Variants in LIPG observed in about 807,000 individuals in gnomAD.
The protein encoded by LIPG is lipase G, endothelial type, also known as endothelial lipase.
A neutral mutation model predicts 51.8 loss-of-function variants in LIPG; 34 were observed. The observed-to-expected ratio is 0.66, with a 90% confidence interval of 0.50 to 0.87. The LOEUF (loss-of-function observed/expected upper bound fraction) is 0.87, where lower values mean the gene tolerates loss of function less well. Ranked by LOEUF, LIPG falls within the 40% of genes least tolerant of loss-of-function variation. LIPG has a pLI of 0.00. For synonymous variants in LIPG, 246 were observed against 246.1 expected (o/e 1.00, Z 0.00); for missense variants, 580 against 652.7 (o/e 0.89, Z 1.21).
At chr18:49,561,792 CGGA>C (rs2084552015), upstream of LIPG, 14 of 1,254,724 alleles carry the variant, frequency 1.1e-5, no homozygotes, top group Non-Finnish European at 1.4e-5. Context: ...TCTGGGTGTC[CGGA>C]GGAGGGCAGT....
chr18:49,569,027 G>A (rs1229768382), intron 3 of LIPG, among the ~76,000 whole-genome samples: 1 of 152,162 alleles, frequency 6.6e-6, no homozygotes, highest in Non-Finnish European at 1.5e-5. Flanking sequence ...TGGAGGTCAG[G>A]CCTTAGAGGG....
chr18:49,565,292 C>A (rs549779651), intron 1 of LIPG, 25 bp from the exon 2 acceptor site: 20 of 1,612,400 alleles, frequency 1.2e-5, no homozygotes, highest in South Asian at 1.2e-4. Context: ...GCTAGATGCA[C>A]CCACGCTCTG....
At chr18:49,584,081 G>A (rs940622356) in intron 8 of LIPG, among the ~76,000 whole-genome samples, 2 of 152,136 alleles carry the variant, frequency 1.3e-5, no homozygotes, top group African/African-American at 4.8e-5. Flanking sequence ...TCCTGGACTG[G>A]GCTTTTTAGG....
intron 4 of LIPG, among the ~76,000 whole-genome samples, chr18:49,574,531 T>C (rs2084695186): frequency 6.6e-6 from 1 of 152,168 alleles, no homozygotes; most frequent in Admixed American, 6.6e-5. Context: ...CTCTTACTGC[T>C]CTGCTACCTG....
intron 4 of LIPG, among the ~76,000 whole-genome samples, chr18:49,573,215 C>A (rs1359250528): frequency 2.0e-5 from 3 of 152,236 alleles, no homozygotes; most frequent in African/African-American, 7.2e-5. Flanking sequence ...CAGAATGTTG[C>A]TCTCTTTCTC....
At chr18:49,575,722 T>C in intron 5 of LIPG, 132 bp downstream of exon 5, 1 of 770,476 alleles carries the variant, frequency 1.3e-6, no homozygotes, top group Non-Finnish European at 2.2e-6. Context: ...CCTCCAATGC[T>C]GTATTTAATA....
chr18:49,577,726 C>T lies in LIPG; in HGVS notation c.793+2136C>T, dbSNP rs1438552277. On this transcript the variant is annotated intron_variant, in intron 5 of 9. Transcript: ENST00000261292. ...CCCCCAACCTCCCTCCCGGATGGCA[C>T]GGCTGGCCGGGCGGGGGGGCTGACC... Among the ~76,000 whole-genome samples the T allele has an allele frequency of 3.1e-4, 25 of 79,498 alleles. 2 individuals carry two copies. In the South Asian group the frequency reaches 9.7e-3, roughly 31 times the overall value. 52.2% of individuals were successfully genotyped at this position (79,498 alleles called of 152,430 possible).
chr18:49,569,367 T>C, intron 3 of LIPG, 70 bp from the exon 4 acceptor site: 1 of 1,299,058 alleles, frequency 7.7e-7, no homozygotes, highest in South Asian at 1.2e-5. Context: ...ACTGAGTTGT[T>C]GAACTGCTGG....
At chr18:49,561,735 G>A (rs750306382), upstream of LIPG, 4 of 1,245,052 alleles carry the variant, frequency 3.2e-6, no homozygotes, top group Non-Finnish European at 4.0e-6. Flanking sequence ...AGAGTTTCAG[G>A]GAAATGTCCG....
rs1047734477 is a variant in LIPG, at chr18:49,592,453, C to A, written c.*1931C>A. 2.6e-5 allele frequency: 4 copies of A among 152,198 alleles called. No individual in the cohort carries two copies. Among genetic ancestry groups the A allele is most frequent in the African/African-American group, 9.7e-5 (4 of 41,432 alleles). 9.4% of individuals were successfully genotyped at this position (152,198 alleles called of 1,614,324 possible). A position where few individuals can be genotyped will look rare whatever the true frequency, so the allele number is the denominator to read the frequency against. ...AAAATTCATTGATGTGTCAGTTACA[C>A]CTTATCCACATAGCCTGAGGGTAAT... On this transcript the variant is annotated 3_prime_UTR_variant, in exon 10 of 10. Transcript: ENST00000261292.
chr18:49,585,403 A>C (rs2084870568), intron 8 of LIPG, among the ~76,000 whole-genome samples: 1 of 152,232 alleles, frequency 6.6e-6, no homozygotes, highest in Non-Finnish European at 1.5e-5. Flanking sequence ...AATGTATAGA[A>C]TTTTGGATGC....
rs776585617 is a variant in LIPG, at chr18:49,581,636, C to T, written c.1015C>T (p.Arg339Trp). Residue 339 changes from arginine to tryptophan, a missense_variant, in exon 6 of 10, where the codon CGG becomes TGG. Transcript: ENST00000261292. ...KRNSKMYLKT[R>W]AGMPFRVYHY... ...GAACAGCAAAATGTACCTAAAAACC[C>T]GGGCAGGCATGCCTTTCAGAGGTAA... is the stretch of plus-strand genomic sequence containing the variant. The T allele has an allele frequency of 7.4e-6, 12 of 1,613,834 alleles. No individual in the cohort carries two copies. Among genetic ancestry groups the T allele is most frequent in the Admixed American group, 3.3e-5 (2 of 60,004 alleles).
chr18:49,590,911 G>A lies in LIPG; in HGVS notation c.*389G>A. 3.0e-6 allele frequency: 1 copy of A among 328,468 alleles called. No homozygotes were observed. The highest frequency in any genetic ancestry group is 5.9e-6 in the Non-Finnish European group (1 of 169,142). The allele number at this position is 328,468 out of a possible 1,614,324, so 20.3% of individuals were successfully genotyped here. A position where few individuals can be genotyped will look rare whatever the true frequency, so the allele number is the denominator to read the frequency against. On this transcript the variant is annotated 3_prime_UTR_variant, in exon 10 of 10. Transcript: ENST00000261292. ...AGAGGCCCTGTGTAGAAGGCTGTCA[G>A]CTGCTCAGCCTGCTTTGAGCCTCAG... is the stretch of plus-strand genomic sequence containing the variant.
chr18:49,577,724 C>G (rs1235755854), intron 5 of LIPG, among the ~76,000 whole-genome samples: 3 of 71,700 alleles, frequency 4.2e-5, no homozygotes, highest in Admixed American at 2.2e-4. Flanking sequence ...TCCCGGATGG[C>G]ACGGCTGGCC....
rs1024947116 is a variant in LIPG, at chr18:49,592,995, A to G, written c.*2473A>G. Reference sequence around the variant, plus strand: ...TCACCCAGGCTGGAGTGCAGTGGCAATCTTGGCTCACTACAACCTCTGCCT... The same window carrying G: ...TCACCCAGGCTGGAGTGCAGTGGCAGTCTTGGCTCACTACAACCTCTGCCT... On this transcript the variant is annotated 3_prime_UTR_variant, in exon 10 of 10. Coordinates refer to ENST00000261292, the MANE Select transcript of LIPG (RefSeq NM_006033.4). 1 of 145,548 alleles carries G rather than the reference A, an allele frequency of 6.9e-6. No homozygotes were observed. Among genetic ancestry groups the G allele is most frequent in the Non-Finnish European group, 1.5e-5 (1 of 67,316 alleles). 9.0% of individuals were successfully genotyped at this position (145,548 alleles called of 1,614,324 possible). A position where few individuals can be genotyped will look rare whatever the true frequency, so the allele number is the denominator to read the frequency against.
chr18:49,595,995 C>A lies in LIPG; in HGVS notation c.*5473C>A, dbSNP rs1002817610. Reference sequence around the variant, plus strand: ...ACAAAATTAGATTCCTATTTTAACACGCAACAAAGATGAATTCCAAAATAC... The same window carrying A: ...ACAAAATTAGATTCCTATTTTAACAAGCAACAAAGATGAATTCCAAAATAC... On this transcript the variant is annotated 3_prime_UTR_variant, in exon 10 of 10. Transcript: ENST00000261292. The A allele has an allele frequency of 6.6e-6, 1 of 152,102 alleles. No homozygotes were observed. The highest frequency in any genetic ancestry group is 1.5e-5 in the Non-Finnish European group (1 of 68,024). 9.4% of individuals were successfully genotyped at this position (152,102 alleles called of 1,614,324 possible).
In LIPG at chr18:49,581,598, TGAG is replaced by T. The variant is rs765945602; in HGVS notation, c.980_982del (p.Arg327del). On this transcript the variant is annotated inframe_deletion, in exon 6 of 10. Transcript: ENST00000261292. ...AGCATTGGCTACAATGCCAAGAAAATGAGGAACAAGAGGAACAGCAAAATGTAC... is the reference window on the plus strand; with the variant it reads ...AGCATTGGCTACAATGCCAAGAAAATGAACAAGAGGAACAGCAAAATGTAC... 1.9e-6 allele frequency: 3 copies of T among 1,613,996 alleles called. No individual in the cohort carries two copies. The East Asian group carries it at 6.7e-5, about 36-fold the overall frequency.
intron 2 of LIPG, among the ~76,000 whole-genome samples, chr18:49,566,861 C>T (rs2084611216): frequency 6.6e-6 from 1 of 152,170 alleles, no homozygotes; most frequent in South Asian, 2.1e-4. Flanking sequence ...ACACGTATCT[C>T]ATAGTGGCCC....
Position 49,596,884 on chromosome 18 carries a change from C to T in LIPG, c.*6362C>T, listed in dbSNP as rs2084985832. ...ATTTGACTTCCTACTCTCTTAGCCC[C>T]AGCTCTCTGGTATTCTGTGTAGCTG... On this transcript the variant is annotated 3_prime_UTR_variant, in exon 10 of 10. Transcript: ENST00000261292. 1 of 152,164 alleles carries T rather than the reference C, an allele frequency of 6.6e-6. No homozygotes were observed. The highest frequency in any genetic ancestry group is 1.5e-5 in the Non-Finnish European group (1 of 68,044). 9.4% of individuals were successfully genotyped at this position (152,164 alleles called of 1,614,324 possible).
Sources: allele counts gnomAD v4.1 joint callset (sites outside exome capture counted in the v4.1 genomes callset), GRCh38; gene constraint gnomAD v4.1.1; transcripts MANE v1.5; gene names NCBI Gene and HGNC (gene_info 2026-07-23, HGNC 2026-07-21).